Variants in KCNB2 observed in about 807,000 individuals in gnomAD.
KCNB2 encodes potassium voltage-gated channel subfamily B member 2, also known as delayed rectifier potassium channel protein.
Under a neutral mutation model 61.5 loss-of-function variants are expected in KCNB2, and 15 were observed. The ratio of observed to expected loss-of-function variants is 0.24; its 90% confidence interval spans 0.16 to 0.38. KCNB2 has a LOEUF of 0.38. KCNB2 is among the 10% of genes least tolerant of loss of function. The pLI is 1.00. For synonymous variants in KCNB2, 457 were observed against 446.0 expected, an observed-to-expected ratio of 1.02 and a Z score of -0.31; for missense variants, 828 against 1,125.2, an observed-to-expected ratio of 0.74 and a Z score of 3.78.
At chr8:72,917,101 T>G (rs1423052226) in intron 2 of KCNB2, among the ~76,000 whole-genome samples, 2 of 152,208 alleles carry the variant, frequency 1.3e-5, no homozygotes, top group African/African-American at 2.4e-5. Context: ...TTTCCTTGCC[T>G]TCTGTCCCTA....
intron 2 of KCNB2, among the ~76,000 whole-genome samples, chr8:72,583,967 A>G (rs951515274): frequency 1.4e-5 from 2 of 146,180 alleles, no homozygotes; most frequent in African/African-American, 5.0e-5. Flanking sequence ...AAAAAAAAAC[A>G]AACAAAACCC....
intron 2 of KCNB2, among the ~76,000 whole-genome samples, chr8:72,794,890 C>T (rs544978694): frequency 1.3e-5 from 2 of 152,234 alleles, no homozygotes; most frequent in East Asian, 3.9e-4. Flanking sequence ...AAGGAATGGC[C>T]AGCTGGGCCA....
At chr8:72,706,634 C>T (rs1030443044) in intron 2 of KCNB2, among the ~76,000 whole-genome samples, 2 of 152,172 alleles carry the variant, frequency 1.3e-5, no homozygotes, top group Non-Finnish European at 2.9e-5. Context: ...CACTGCTGTG[C>T]TGAACACTCC....
At chr8:72,590,239 G>A (rs370572715) in intron 2 of KCNB2, among the ~76,000 whole-genome samples, 77 of 152,136 alleles carry the variant, frequency 5.1e-4, no homozygotes, top group African/African-American at 1.8e-3. Context: ...GTACAGCAAG[G>A]ATATATATGT....
chr8:72,840,281 G>C (rs1809858053), intron 2 of KCNB2, among the ~76,000 whole-genome samples: 1 of 152,176 alleles, frequency 6.6e-6, no homozygotes, highest in Non-Finnish European at 1.5e-5. Context: ...TGGTGTATAT[G>C]TGCCACATTT....
rs192487062 is a variant in KCNB2 at position 72,908,685 on chromosome 8, G to A, written c.580-27250G>A. Among the ~76,000 whole-genome samples the A allele has an allele frequency of 4.5e-4, 69 of 152,372 alleles. 1 individual carries two copies. The highest frequency in any genetic ancestry group is 2.9e-3 in the Admixed American group (44 of 15,300). On this transcript the variant is annotated intron_variant, in intron 2 of 2. Transcript: ENST00000523207. ...GTTGGAAAGAAGATGCCAACGAGAT[G>A]TGGTTTAGACAAAGGCAACAGCTGC...
At chr8:72,590,793 A>G (rs1299978840) in intron 2 of KCNB2, among the ~76,000 whole-genome samples, 1 of 152,186 alleles carries the variant, frequency 6.6e-6, no homozygotes, top group Non-Finnish European at 1.5e-5. Context: ...CAAACAAGCA[A>G]AAAATCTGGG....
In KCNB2 at chr8:72,690,864, A is replaced by G. The variant is rs74662277; in HGVS notation, c.579+122551A>G. Among the ~76,000 whole-genome samples, 952 of 152,300 alleles carry G rather than the reference A, an allele frequency of 6.3e-3. 7 individuals are homozygous for G. The highest frequency in any genetic ancestry group is 8.8e-3 in the Non-Finnish European group (600 of 68,034). On this transcript the variant is annotated intron_variant, in intron 2 of 2. Transcript: ENST00000523207. ...AAATTCTCTCACATTTTAAAATCAG[A>G]AAGGGACGGTTGACTTCACATTTGC...
In KCNB2 at chr8:72,937,365, C is replaced by T. The variant is rs1334777334; in HGVS notation, c.2010C>T (p.Ala670=). The change falls in exon 3 of 3, where the codon GCC becomes GCT. Residue 670 remains alanine, a synonymous_variant. Coordinates refer to ENST00000523207, the MANE Select transcript of KCNB2 (RefSeq NM_004770.3). ...PAARDGTLEY[A]PVDITVNLDA... Reference sequence around the variant, plus strand: ...CCAGGGATGGCACGCTGGAGTATGCCCCAGTTGACATAACTGTGAACCTCG... The same window carrying T: ...CCAGGGATGGCACGCTGGAGTATGCTCCAGTTGACATAACTGTGAACCTCG... The T allele has an allele frequency of 1.2e-6, 2 of 1,613,946 alleles. No homozygotes were observed. Among genetic ancestry groups the T allele is most frequent in the Non-Finnish European group, 1.7e-6 (2 of 1,180,018 alleles).
chr8:72,905,833 A>G (rs563219841), intron 2 of KCNB2, among the ~76,000 whole-genome samples: 1 of 152,220 alleles, frequency 6.6e-6, no homozygotes, highest in East Asian at 1.9e-4. Flanking sequence ...CATGCAGTAG[A>G]CCATGCTTAC....
intron 2 of KCNB2, chr8:72,874,976 A>G (rs1288511946): frequency 6.6e-6 from 1 of 152,032 alleles, no homozygotes; most frequent in Non-Finnish European, 1.5e-5. Context: ...TTCCACTAAC[A>G]CCCTCTGATG....
chr8:72,853,542 T>G (rs1432191176), intron 2 of KCNB2, among the ~76,000 whole-genome samples: 1 of 152,238 alleles, frequency 6.6e-6, no homozygotes, highest in African/African-American at 2.4e-5. Flanking sequence ...TGACCCAAGA[T>G]ACTTTAACCT....
intron 2 of KCNB2, among the ~76,000 whole-genome samples, chr8:72,595,960 C>T (rs1245301971): frequency 6.6e-6 from 1 of 152,148 alleles, no homozygotes; most frequent in Non-Finnish European, 1.5e-5. Context: ...CCTATCTGGA[C>T]TTTTCCAGAA....
At chr8:72,595,006 G>A (rs1807164841) in intron 2 of KCNB2, among the ~76,000 whole-genome samples, 1 of 152,146 alleles carries the variant, frequency 6.6e-6, no homozygotes, top group African/African-American at 2.4e-5. Context: ...GGACCATTTA[G>A]GGTAAGAGGA....
chr8:72,618,549 A>G (rs377284371), intron 2 of KCNB2, among the ~76,000 whole-genome samples: 1 of 152,310 alleles, frequency 6.6e-6, no homozygotes, highest in South Asian at 2.1e-4. Flanking sequence ...GTATATTTGG[A>G]CACAGAAACT....
At chr8:72,695,999 A>G (rs1807011693) in intron 2 of KCNB2, among the ~76,000 whole-genome samples, 1 of 152,236 alleles carries the variant, frequency 6.6e-6, no homozygotes, top group East Asian at 1.9e-4. Context: ...GCTGTAGCCC[A>G]TGAACCGCAC....
intron 2 of KCNB2, among the ~76,000 whole-genome samples, chr8:72,581,148 C>T (rs986968443): frequency 6.6e-6 from 1 of 152,132 alleles, no homozygotes; most frequent in Non-Finnish European, 1.5e-5. Flanking sequence ...CCAGAAGGAA[C>T]ATCATTTTTT....
chr8:72,821,548 C>A (rs1809506821), intron 2 of KCNB2, among the ~76,000 whole-genome samples: 1 of 143,540 alleles, frequency 7.0e-6, no homozygotes, highest in East Asian at 2.3e-4. Flanking sequence ...TGTGAAATAT[C>A]ATCATAGAAT....
chr8:72,564,336 A>C lies in KCNB2; in HGVS notation c.-93-3306A>C, dbSNP rs143955663. Among the ~76,000 whole-genome samples, 455 of 152,318 alleles carry C rather than the reference A, an allele frequency of 3.0e-3. 2 individuals are homozygous for C. Among genetic ancestry groups the C allele is most frequent in the African/African-American group, 0.01 (423 of 41,578 alleles). On this transcript the variant is annotated intron_variant, in intron 1 of 2. Transcript: ENST00000523207. ...ATTCTGGAGTTAGTTCTCTTCCTGG[A>C]AAACCTCTTATCTGATATTATAATC...
Sources: gnomAD v4.1 joint callset for allele counts (sites outside exome capture counted in the v4.1 genomes callset) on GRCh38, gnomAD v4.1.1 for gene constraint, MANE v1.5 for transcripts, NCBI Gene and HGNC (gene_info 2026-07-23, HGNC 2026-07-21) for gene names.